The following PROKR2 variants were observed in gnomAD, a reference collection of about 807,000 sequenced individuals.
PROKR2 encodes G protein-coupled receptor 73-like 1.
A neutral mutation model predicts 23.4 loss-of-function variants in PROKR2; 26 were observed. That is an observed-to-expected ratio of 1.11 (90% CI 0.81 to 1.54). PROKR2 has a LOEUF of 1.54. PROKR2 is among the 40% of genes most tolerant of loss of function. The pLI is 0.00. For missense variants in PROKR2, 453 were observed against 511.5 expected, an observed-to-expected ratio of 0.89 and a Z score of 1.10; for synonymous variants, 212 against 201.2, an observed-to-expected ratio of 1.05 and a Z score of -0.45.
In PROKR2 at chr20:5,302,208, G is replaced by A; in HGVS notation, c.987C>T (p.Asn329=). 1 of 1,614,230 alleles carries A rather than the reference G, an allele frequency of 6.2e-7. No homozygotes were observed. Among genetic ancestry groups the A allele is most frequent in the Non-Finnish European group, 8.5e-7 (1 of 1,180,040 alleles). ...ECIAMSNSMI[N]TVCFVTVKNN... Reference sequence around the variant, plus strand: ...TCTTGACCGTCACGAAGCACACGGTGTTGATCATGCTGTTGCTCATGGCGA... The same window carrying A: ...TCTTGACCGTCACGAAGCACACGGTATTGATCATGCTGTTGCTCATGGCGA... The change falls in exon 3 of 3, where the codon AAC becomes AAT. Residue 329 remains asparagine, a synonymous_variant. Transcript: ENST00000678254.
chr20:5,305,198 G>A (rs557330468), intron 2 of PROKR2, among the ~76,000 whole-genome samples: 11 of 152,368 alleles, frequency 7.2e-5, no homozygotes, highest in South Asian at 2.1e-4. Flanking sequence ...TGAGCGGCCC[G>A]TCCCGGGCCC....
chr20:5,316,551 A>C lies in PROKR2; in HGVS notation c.-66T>G, dbSNP rs191193149. On this transcript the variant is annotated 5_prime_UTR_variant, in exon 1 of 3. Coordinates refer to ENST00000678254, the MANE Select transcript of PROKR2 (RefSeq NM_144773.4). This position sits in a 1 kb window ranked among gnomAD's most constrained non-coding sequence, Gnocchi z 5.0. ...TGCTCCGGAAGCCGGATCGAGAGTC[A>C]CAGTGTGGTTGGGCGCAGGCGGGCC... 1 of 355,204 alleles carries C rather than the reference A, an allele frequency of 2.8e-6. No individual in the cohort carries two copies. The allele number at this position is 355,204 out of a possible 1,614,324, so 22.0% of individuals were successfully genotyped here.
chr20:5,316,707 G>C lies in PROKR2; in HGVS notation c.-222C>G, dbSNP rs1979694895. 6.6e-6 allele frequency among the ~76,000 whole-genome samples: 1 copy of C among 152,216 alleles called. No homozygotes were observed. Among genetic ancestry groups the C allele is most frequent in the South Asian group, 2.1e-4 (1 of 4,838 alleles). ...TCTCTGGGTTCCAGCTGGAGTTGGCGCTCCGGCCCCACAGCTCTTTCCAGC... is the reference window on the plus strand; with the variant it reads ...TCTCTGGGTTCCAGCTGGAGTTGGCCCTCCGGCCCCACAGCTCTTTCCAGC... On this transcript the variant is annotated 5_prime_UTR_variant, in exon 1 of 3. Transcript: ENST00000678254. This position sits in a 1 kb window ranked among gnomAD's most constrained non-coding sequence, Gnocchi z 5.0.
chr20:5,309,865 C>T (rs550863575), intron 2 of PROKR2, among the ~76,000 whole-genome samples: 1 of 152,364 alleles, frequency 6.6e-6, no homozygotes, highest in South Asian at 2.1e-4. Context: ...CTTAAATTCT[C>T]ATTCTTTTTC....
intron 1 of PROKR2, 118 bp from the exon 2 acceptor site, chr20:5,314,495 C>T: frequency 7.2e-6 from 6 of 836,528 alleles, no homozygotes; most frequent in Admixed American, 2.0e-5. Context: ...ACTCACCGTC[C>T]TGGATCCTGG....
At chr20:5,310,067 G>C (rs533872982) in intron 2 of PROKR2, among the ~76,000 whole-genome samples, 37 of 152,246 alleles carry the variant, frequency 2.4e-4, no homozygotes, top group Non-Finnish European at 4.4e-4. Context: ...TGTGAAGTGG[G>C]GATAATTAAT....
Position 5,314,147 on chromosome 20 carries a change from T to C in PROKR2, c.223A>G (p.Ile75Val). ...LVCGIGNFVF[I>V]AALTRYKKLR... ...TTCTTATAGCGGGTGAGGGCAGCGA[T>C]AAAGACAAAGTTACCGATGCCGCAG... is the stretch of plus-strand genomic sequence containing the variant. The change falls in exon 2 of 3, where the codon ATC becomes GTC. Residue 75 changes from isoleucine to valine, a missense_variant. Coordinates refer to ENST00000678254, the MANE Select transcript of PROKR2 (RefSeq NM_144773.4). The C allele has an allele frequency of 6.2e-7, 1 of 1,614,146 alleles. No homozygotes were observed. The highest frequency in any genetic ancestry group is 2.2e-5 in the East Asian group (1 of 44,882).
At chr20:5,315,473 C>T (rs57443846) in intron 1 of PROKR2, among the ~76,000 whole-genome samples, 3,079 of 152,278 alleles carry the variant, frequency 0.02, 83 homozygotes, top group East Asian at 0.074. Context: ...GATCCCAACA[C>T]CTATAGAAAG....
At chr20:5,307,734 T>C (rs1285050721) in intron 2 of PROKR2, among the ~76,000 whole-genome samples, 2 of 152,182 alleles carry the variant, frequency 1.3e-5, no homozygotes, top group Admixed American at 6.5e-5. Flanking sequence ...GTTCCTATTA[T>C]CTGGAACCTT....
At chr20:5,308,971 AG>A (rs929849782) in intron 2 of PROKR2, among the ~76,000 whole-genome samples, 48 of 110,152 alleles carry the variant, frequency 4.4e-4, no homozygotes, top group Middle Eastern at 4.1e-3. Context: ...CTGAAGATCT[AG>A]GATGAAGCTG....
rs147311381 is a variant in PROKR2, at chr20:5,299,610, T to G, written c.*2430A>C. The stretch of plus-strand genomic sequence containing the variant: ...AACAGTTTTGCTTAGGCTAATATTA[T>G]AGTGTGTTTGCATTTTCTTTTATTT... On this transcript the variant is annotated 3_prime_UTR_variant, in exon 3 of 3. Coordinates refer to ENST00000678254, the MANE Select transcript of PROKR2 (RefSeq NM_144773.4). Among the ~76,000 whole-genome samples, 62 of 152,124 alleles carry G rather than the reference T, an allele frequency of 4.1e-4. No homozygotes were observed. The highest frequency in any genetic ancestry group is 1.5e-3 in the Admixed American group (23 of 15,296).
chr20:5,302,559 C>A lies in PROKR2; in HGVS notation c.636G>T (p.Trp212Cys). 1 of 1,614,180 alleles carries A rather than the reference C, an allele frequency of 6.2e-7. No individual in the cohort carries two copies. The highest frequency in any genetic ancestry group is 8.5e-7 in the Non-Finnish European group (1 of 1,180,040). ...SQEKIFCGQIWPVDQQLYYKS... is the reference protein window; with the variant it reads ...SQEKIFCGQICPVDQQLYYKS... The stretch of plus-strand genomic sequence containing the variant: ...TGTAGTAGAGCTGCTGATCCACAGG[C>A]CAGATCTGGCCACAGAAGATCTTCT... Residue 212 changes from tryptophan to cysteine, a missense_variant, in exon 3 of 3, where the codon TGG becomes TGT. Coordinates refer to ENST00000678254, the MANE Select transcript of PROKR2 (RefSeq NM_144773.4).
chr20:5,306,269 T>C (rs1043496450), intron 2 of PROKR2, among the ~76,000 whole-genome samples: 1 of 127,426 alleles, frequency 7.8e-6, no homozygotes, highest in Non-Finnish European at 1.7e-5. Context: ...AATTCTCCAG[T>C]TTTTGTAATT....
chr20:5,313,663 G>C (rs1979524678), intron 2 of PROKR2, among the ~76,000 whole-genome samples: 1 of 152,224 alleles, frequency 6.6e-6, no homozygotes, highest in Non-Finnish European at 1.5e-5. Flanking sequence ...GCCACATACT[G>C]TCATGTGGCA....
Position 5,302,099 on chromosome 20 carries a change from C to A in PROKR2, c.1096G>T (p.Asp366Tyr), listed in dbSNP as rs867274082. ...QRGSKSSADL[D>Y]LRTNGVPTTE... ...GTGGGCACCCCGTTGGTTCTGAGGT[C>A]AAGGTCAGCACTGGACTTGCTCCCC... is the stretch of plus-strand genomic sequence containing the variant. Residue 366 changes from aspartate (D) to tyrosine (Y), a missense_variant, in exon 3 of 3, where the codon GAC becomes TAC. Coordinates refer to ENST00000678254, the MANE Select transcript of PROKR2 (RefSeq NM_144773.4). 1 of 1,614,152 alleles carries A rather than the reference C, an allele frequency of 6.2e-7. No individual in the cohort carries two copies. The highest frequency in any genetic ancestry group is 1.1e-5 in the South Asian group (1 of 91,068).
chr20:5,308,679 G>C (rs1219452627), intron 2 of PROKR2, among the ~76,000 whole-genome samples: 2 of 152,108 alleles, frequency 1.3e-5, no homozygotes, highest in Non-Finnish European at 2.9e-5. Flanking sequence ...AGCGCTGCTG[G>C]GGTAGGGTCT....
At chr20:5,303,974 G>A (rs989742047) in intron 2 of PROKR2, among the ~76,000 whole-genome samples, 1 of 152,090 alleles carries the variant, frequency 6.6e-6, no homozygotes, top group African/African-American at 2.4e-5. Flanking sequence ...AGAGTATAAC[G>A]AAGTAACAGA....
intron 2 of PROKR2, among the ~76,000 whole-genome samples, chr20:5,306,838 T>G (rs1457600866): frequency 6.6e-6 from 1 of 152,232 alleles, no homozygotes. Context: ...TTACATTTTT[T>G]GAGCCTGCCC....
Position 5,301,207 on chromosome 20 carries a change from T to G in PROKR2, c.*833A>C, listed in dbSNP as rs189875753. Among the ~76,000 whole-genome samples, 795 of 150,238 alleles carry G rather than the reference T, an allele frequency of 5.3e-3. 4 individuals carry two copies. The highest frequency in any genetic ancestry group is 0.018 in the African/African-American group (734 of 40,140). On this transcript the variant is annotated 3_prime_UTR_variant, in exon 3 of 3. Coordinates refer to ENST00000678254, the MANE Select transcript of PROKR2 (RefSeq NM_144773.4). Reference sequence around the variant, plus strand: ...AGAGTCTTCTTCTATAGCCGTTGGTTGTTGTTGTTGTTGTTTTGTTGTTTG... The same window carrying G: ...AGAGTCTTCTTCTATAGCCGTTGGTGGTTGTTGTTGTTGTTTTGTTGTTTG...
Sources: gnomAD v4.1 joint callset for allele counts (sites outside exome capture counted in the v4.1 genomes callset) on GRCh38, gnomAD v4.1.1 for gene constraint, Gnocchi (gnomAD v3.1) non-coding constraint, MANE v1.5 for transcripts, NCBI Gene and HGNC (gene_info 2026-07-23, HGNC 2026-07-21) for gene names.